The following DHRSX variants were observed in gnomAD, a reference collection of about 807,000 sequenced individuals.
DHRSX encodes polyprenol dehydrogenase.
Under a neutral mutation model 34.0 loss-of-function variants are expected in DHRSX, and 31 were observed. The ratio of observed to expected loss-of-function variants is 0.91; its 90% CI spans 0.69 to 1.23. DHRSX has a LOEUF of 1.23. Ranked by LOEUF, DHRSX falls within the 50% of genes most tolerant of loss-of-function variation. DHRSX has a pLI of 0.00. For missense variants in DHRSX, 414 were observed against 428.1 expected (o/e 0.97, Z 0.29); for synonymous variants, 201 against 183.8 (o/e 1.09, Z -0.76).
Position 2,223,460 on chromosome X carries a change from TAGAG to T in DHRSX, c.805-2235_805-2232del, listed in dbSNP as rs201030184. On this transcript the variant is annotated intron_variant, in intron 6 of 6. Coordinates refer to ENST00000334651, the MANE Select transcript of DHRSX (RefSeq NM_145177.3). Reference sequence around the variant, plus strand: ...TATTAGCAGCATGAGAACAGACTAATAGAGAGACTGTATCTGAAAACATCTCGGG... The same window carrying T: ...TATTAGCAGCATGAGAACAGACTAATAGACTGTATCTGAAAACATCTCGGG... Among the ~76,000 whole-genome samples, 1,083 of 152,208 alleles carry T rather than the reference TAGAG, an allele frequency of 7.1e-3. 13 individuals are homozygous for T. The highest frequency in any genetic ancestry group is 0.025 in the African/African-American group (1,036 of 41,532).
chrX:2,233,081 A>C (rs2015934534), intron 6 of DHRSX, among the ~76,000 whole-genome samples: 1 of 151,602 alleles, frequency 6.6e-6, no homozygotes, highest in African/African-American at 2.4e-5. Context: ...GAAAGAAAGA[A>C]AGAAATATGC....
At chrX:2,371,631 C>T (rs1458561201) in intron 3 of DHRSX, among the ~76,000 whole-genome samples, 1 of 151,496 alleles carries the variant, frequency 6.6e-6, no homozygotes, top group Non-Finnish European at 1.5e-5. Context: ...CCTTCCTCCT[C>T]CCGTTACCAT....
intron 3 of DHRSX, among the ~76,000 whole-genome samples, chrX:2,366,011 C>G (rs1438667411): frequency 2.0e-5 from 3 of 152,200 alleles, no homozygotes; most frequent in Non-Finnish European, 4.4e-5. Flanking sequence ...ATCCTACCCT[C>G]TGCCCAATGT....
At chrX:2,340,668 A>C (rs2042629805) in intron 3 of DHRSX, among the ~76,000 whole-genome samples, 1 of 152,088 alleles carries the variant, frequency 6.6e-6, no homozygotes, top group South Asian at 2.1e-4. Context: ...ACAAATAATA[A>C]AAGCCACAGT....
chrX:2,425,292 CG>C lies in DHRSX; in HGVS notation c.121del (p.Arg41AspfsTer7). 1 of 1,613,308 alleles carries C rather than the reference CG, an allele frequency of 6.2e-7. No homozygotes were observed. Among genetic ancestry groups the C allele is most frequent in the Non-Finnish European group, 8.5e-7 (1 of 1,179,542 alleles). The stretch of plus-strand genomic sequence containing the variant: ...CGTCACTATAGCGACACGGTCAGGT[CG>C]TGGGGGGAAAACTGAAAAAGAAGAA... The part of the protein sequence containing the change: ...GGFLEPVFPP[R>X]PDRVAIVTGG... On this transcript the variant is annotated frameshift_variant, in exon 2 of 7. Coordinates refer to ENST00000334651, the MANE Select transcript of DHRSX (RefSeq NM_145177.3). LOFTEE classifies it high-confidence loss of function.
At position 2,398,916 on chromosome X, in the gene DHRSX, G is replaced by T. The variant is rs566227644; in HGVS notation, c.286+9829C>A. On this transcript the variant is annotated intron_variant, in intron 3 of 6. Transcript: ENST00000334651. ...CGCCCAGGCTGGAGTGCAGTGGCGC[G>T]ATCTCGGCTCACTGCAAGCTCCCCC... 6.4e-3 allele frequency among the ~76,000 whole-genome samples: 974 copies of T among 152,108 alleles called. 8 individuals carry two copies. Among genetic ancestry groups the T allele is most frequent in the Middle Eastern group, 0.02 (6 of 294 alleles).
At chrX:2,480,302 A>G (rs1473439105) in intron 1 of DHRSX, among the ~76,000 whole-genome samples, 1 of 150,542 alleles carries the variant, frequency 6.6e-6, no homozygotes, top group African/African-American at 2.4e-5. Flanking sequence ...TGTAGAATCT[A>G]AAAAAGCTGA....
intron 3 of DHRSX, among the ~76,000 whole-genome samples, chrX:2,308,545 A>G (rs1015594270): frequency 6.6e-6 from 1 of 152,206 alleles, no homozygotes; most frequent in Non-Finnish European, 1.5e-5. Context: ...ATCATCGCCT[A>G]TGAAGGCATG....
rs1014948735 is a variant in DHRSX at position 2,232,934 on chromosome X, CT to C, written c.804+10088del. Among the ~76,000 whole-genome samples the C allele has an allele frequency of 2.4e-4, 36 of 152,048 alleles. 1 individual carries two copies. Among genetic ancestry groups the C allele is most frequent in the Non-Finnish European group, 3.2e-4 (22 of 68,032 alleles). On this transcript the variant is annotated intron_variant, in intron 6 of 6. Coordinates refer to ENST00000334651, the MANE Select transcript of DHRSX (RefSeq NM_145177.3). ...TGGTCTCAGAGACCACGCTGGGAAC[CT>C]CACTCATTCTAGCTTCTTATGCAGC... is the stretch of plus-strand genomic sequence containing the variant.
At chrX:2,344,133 G>T (rs1280320213) in intron 3 of DHRSX, among the ~76,000 whole-genome samples, 2 of 152,188 alleles carry the variant, frequency 1.3e-5, no homozygotes, top group African/African-American at 4.8e-5. Flanking sequence ...ACTCATGAGA[G>T]CGGGCTCCAG....
intron 5 of DHRSX, among the ~76,000 whole-genome samples, chrX:2,264,610 A>G (rs2041415950): frequency 6.9e-6 from 1 of 144,146 alleles, no homozygotes; most frequent in Non-Finnish European, 1.5e-5. Context: ...TTCCCAGAGG[A>G]CCATGCCCAG....
At chrX:2,460,292 C>A (rs1258146190) in intron 1 of DHRSX, among the ~76,000 whole-genome samples, 1 of 152,112 alleles carries the variant, frequency 6.6e-6, no homozygotes, top group Non-Finnish European at 1.5e-5. Context: ...CATGGCAGGG[C>A]TCATCCTCCT....
chrX:2,459,568 A>G (rs1475884255), intron 1 of DHRSX, among the ~76,000 whole-genome samples: 1 of 148,342 alleles, frequency 6.7e-6, no homozygotes, highest in African/African-American at 2.4e-5. Context: ...ATATATATAT[A>G]TATATATATA....
intron 1 of DHRSX, among the ~76,000 whole-genome samples, chrX:2,425,524 C>A (rs1178458743): frequency 6.6e-6 from 1 of 152,140 alleles, no homozygotes; most frequent in African/African-American, 2.4e-5. Flanking sequence ...CCTGATAAAT[C>A]CCCTGTCATC....
At chrX:2,366,329 T>C (rs1287204019) in intron 3 of DHRSX, among the ~76,000 whole-genome samples, 3 of 151,644 alleles carry the variant, frequency 2.0e-5, no homozygotes, top group Non-Finnish European at 1.5e-5. Context: ...TAATCCCAGC[T>C]ACTCGGGAGG....
chrX:2,356,393 A>T lies in DHRSX; in HGVS notation c.286+52352T>A, dbSNP rs772639285. Among the ~76,000 whole-genome samples the T allele has an allele frequency of 3.9e-5, 6 of 152,240 alleles. No homozygotes were observed. In the East Asian group the frequency reaches 1.2e-3, roughly 29 times the overall value. On this transcript the variant is annotated intron_variant, in intron 3 of 6. Transcript: ENST00000334651. Reference sequence around the variant, plus strand: ...CTGTCTCAAAAAAAGAAAAAAAATGAATGTGGAGAATCATGTCAGGGGTGC... The same window carrying T: ...CTGTCTCAAAAAAAGAAAAAAAATGTATGTGGAGAATCATGTCAGGGGTGC...
At position 2,474,142 on chromosome X, in the gene DHRSX, ACAGACACT is replaced by A. The variant is rs1367118852; in HGVS notation, c.109+26667_109+26674del. ...CTTACAGGGTGGAAAGGACACAGACACAGACACTCAGAAGAATGTGGCCAAGGGATCGC... is the reference window on the plus strand; with the variant it reads ...CTTACAGGGTGGAAAGGACACAGACACAGAAGAATGTGGCCAAGGGATCGC... On this transcript the variant is annotated intron_variant, in intron 1 of 6. Transcript: ENST00000334651. 3.4e-5 allele frequency among the ~76,000 whole-genome samples: 5 copies of A among 148,590 alleles called. No individual in the cohort carries two copies. In the East Asian group the frequency reaches 7.7e-4, roughly 23 times the overall value.
intron 4 of DHRSX, among the ~76,000 whole-genome samples, chrX:2,282,382 CAG>C (rs1174794482): frequency 1.0e-5 from 1 of 99,508 alleles, no homozygotes; most frequent in African/African-American, 3.2e-5. Context: ...AGGGGAGAGA[CAG>C]AGAAAGAGAC....
At chrX:2,360,679 T>C (rs2042922557) in intron 3 of DHRSX, among the ~76,000 whole-genome samples, 1 of 152,020 alleles carries the variant, frequency 6.6e-6, no homozygotes, top group Admixed American at 6.6e-5. Context: ...AGGATGGTAA[T>C]GGAGCCAGGT....
Sources: allele counts gnomAD v4.1 joint callset (sites outside exome capture counted in the v4.1 genomes callset), GRCh38; gene constraint gnomAD v4.1.1; transcripts MANE v1.5; gene names NCBI Gene and HGNC (gene_info 2026-07-23, HGNC 2026-07-21).